Variants in PTP4A1 observed in about 807,000 individuals in gnomAD.
PTP4A1 encodes the protein protein tyrosine phosphatase 4A1.
A neutral mutation model predicts 20.5 loss-of-function variants in PTP4A1; 9 were observed. The observed-to-expected ratio is 0.44, with a 90% CI of 0.26 to 0.77. The LOEUF (loss-of-function observed/expected upper bound fraction) is 0.77. Ranked by LOEUF, PTP4A1 falls within the 30% of genes least tolerant of loss-of-function variation. The pLI, the probability that PTP4A1 is intolerant of heterozygous loss-of-function variation, is 0.19. For synonymous variants in PTP4A1, 78 were observed against 67.4 expected (o/e 1.16, Z -0.77); for missense variants, 137 against 218.8 (o/e 0.63, Z 2.36).
chr6:63,568,806 C>T (rs745466382), upstream of PTP4A1, among the ~76,000 whole-genome samples: 2 of 152,114 alleles, frequency 1.3e-5, no homozygotes, highest in Admixed American at 1.3e-4. Context: ...TTTAACAATG[C>T]TGACAGCAGC....
chr6:63,520,782 GTTCTTT>G (rs1283381655), upstream of PTP4A1, among the ~76,000 whole-genome samples: 1 of 152,070 alleles, frequency 6.6e-6, no homozygotes, highest in Non-Finnish European at 1.5e-5. Context: ...CAGAGTTACT[GTTCTTT>G]TTAATTTTTT....
At chr6:63,573,490 T>G (rs1777626960) in intron 1 of PTP4A1, 1 of 152,104 alleles carries the variant, frequency 6.6e-6, no homozygotes, top group African/African-American at 2.4e-5. Context: ...AACCCGTGAT[T>G]GCGGCGCGGA....
upstream of PTP4A1, chr6:63,572,426 T>C (rs559729253): frequency 1.1e-5 from 4 of 362,108 alleles, no homozygotes; most frequent in South Asian, 4.3e-4. Context: ...GATTGGTGGC[T>C]GGAGGGTTGC....
At chr6:63,564,295 G>T (rs548456181) in intron 3 of PTP4A1, among the ~76,000 whole-genome samples, 2 of 151,024 alleles carry the variant, frequency 1.3e-5, no homozygotes, top group Admixed American at 1.3e-4. Flanking sequence ...AAAAAAGAGA[G>T]AAATTTCAAA....
chr6:63,555,640 T>C (rs139575753), intron 3 of PTP4A1, among the ~76,000 whole-genome samples: 1 of 151,976 alleles, frequency 6.6e-6, no homozygotes, highest in Non-Finnish European at 1.5e-5. Flanking sequence ...ATCCACTCTG[T>C]CTAGCAATGG....
intron 1 of PTP4A1, 140 bp downstream of exon 1, chr6:63,572,859 G>C (rs1055680204): frequency 2.3e-5 from 9 of 393,582 alleles, no homozygotes; most frequent in Non-Finnish European, 3.1e-5. Flanking sequence ...GGGTGGGAGC[G>C]GGCGGGTTAT....
At chr6:63,517,990 TAA>T (rs1367686036), upstream of PTP4A1, among the ~76,000 whole-genome samples, 1 of 151,882 alleles carries the variant, frequency 6.6e-6, no homozygotes. Context: ...CCATCTCTAC[TAA>T]AAATACAAAA....
chr6:63,551,560 A>T (rs991586659), intron 3 of PTP4A1, among the ~76,000 whole-genome samples: 23 of 152,210 alleles, frequency 1.5e-4, no homozygotes, highest in African/African-American at 5.5e-4. Context: ...ATTATACTTT[A>T]AGTTCTAGGG....
chr6:63,579,480 T>C (rs2149517353), intron 5 of PTP4A1, 149 bp downstream of exon 5: 1 of 552,596 alleles, frequency 1.8e-6, no homozygotes, highest in South Asian at 4.2e-5. Flanking sequence ...ACATTCTTTT[T>C]TGCATTTCAT....
intron 3 of PTP4A1, among the ~76,000 whole-genome samples, chr6:63,563,712 A>G (rs1172596502): frequency 6.6e-6 from 1 of 152,192 alleles, no homozygotes; most frequent in East Asian, 1.9e-4. Flanking sequence ...TTGGGGAAGG[A>G]GGGAAGGTTG....
rs1410929948 is a variant in PTP4A1 at position 63,576,786 on chromosome 6, A to G, written c.-95A>G. The G allele has an allele frequency of 1.1e-5, 10 of 931,558 alleles. No individual in the cohort carries two copies. Among genetic ancestry groups the G allele is most frequent in the Admixed American group, 2.4e-5 (1 of 41,766 alleles). The allele number at this position is 931,558 out of a possible 1,614,324, so 57.7% of individuals were successfully genotyped here. A position where few individuals can be genotyped will look rare whatever the true frequency, so the allele number is the denominator to read the frequency against. The stretch of plus-strand genomic sequence containing the variant: ...AAGCACTGAGAATTTCAAGTGGAGT[A>G]TATTGAAGTAGACTTCAGTTTCTTT... On this transcript the variant is annotated 5_prime_UTR_variant, in exon 2 of 6. Transcript: ENST00000626021.
chr6:63,550,416 A>C (rs974095973), exon 3 of PTP4A1: 1 of 152,122 alleles, frequency 6.6e-6, no homozygotes, highest in Non-Finnish European at 1.5e-5. Context: ...AGACGACTCT[A>C]CCTGAGGGTG....
intron 1 of PTP4A1, among the ~76,000 whole-genome samples, chr6:63,527,036 A>G (rs1775220464): frequency 6.6e-6 from 1 of 151,942 alleles, no homozygotes; most frequent in Non-Finnish European, 1.5e-5. Context: ...CACCTTATAT[A>G]TGTATTTCTA....
intron 3 of PTP4A1, among the ~76,000 whole-genome samples, chr6:63,554,053 G>T (rs1320934925): frequency 6.6e-6 from 1 of 152,098 alleles, no homozygotes; most frequent in Non-Finnish European, 1.5e-5. Flanking sequence ...AGGAGGGGAG[G>T]AGTAATTCAG....
At chr6:63,529,093 A>ATATATATATGTGTGTATACATATATATG (rs1775323497) in intron 2 of PTP4A1, among the ~76,000 whole-genome samples, 4 of 141,772 alleles carry the variant, frequency 2.8e-5, no homozygotes, top group Admixed American at 1.4e-4. Flanking sequence ...CCATCTCAAA[A>ATATATATATGTGTGTATACATATATATG]TATATATATG....
chr6:63,544,511 T>C (rs1435326224), intron 2 of PTP4A1, among the ~76,000 whole-genome samples: 1 of 152,142 alleles, frequency 6.6e-6, no homozygotes, highest in Non-Finnish European at 1.5e-5. Flanking sequence ...TCATCTACAC[T>C]AGCTAGAATT....
intron 3 of PTP4A1, among the ~76,000 whole-genome samples, chr6:63,561,905 T>C (rs1189175194): frequency 6.6e-6 from 1 of 152,202 alleles, no homozygotes; most frequent in Non-Finnish European, 1.5e-5. Flanking sequence ...CTATCTCTGC[T>C]GCAGAGAGTA....
chr6:63,525,835 G>C (rs547151498), intron 1 of PTP4A1, among the ~76,000 whole-genome samples: 1 of 152,126 alleles, frequency 6.6e-6, no homozygotes, highest in East Asian at 1.9e-4. Context: ...TAAAATAGTT[G>C]GTGTGGTTTC....
Position 63,563,548 on chromosome 6 carries a change from C to A in PTP4A1, c.-445-12888C>A, listed in dbSNP as rs548912194. ...CCAGCCATTCTGTTGACCTCCTTCA[C>A]AGCACAGATTATAAATATATTCTAT... is the stretch of plus-strand genomic sequence containing the variant. On this transcript the variant is annotated intron_variant, in intron 3 of 3. Coordinates refer to the PTP4A1 transcript ENST00000639568. Among the ~76,000 whole-genome samples, 4 of 152,366 alleles carry A rather than the reference C, an allele frequency of 2.6e-5. No homozygotes were observed. In the South Asian group the frequency reaches 8.3e-4, roughly 32 times the overall value.
Sources: gnomAD v4.1 joint callset for allele counts (sites outside exome capture counted in the v4.1 genomes callset) on GRCh38, gnomAD v4.1.1 for gene constraint, MANE v1.5 for transcripts, NCBI Gene and HGNC (gene_info 2026-07-23, HGNC 2026-07-21) for gene names.